Variants in RIN2 observed in about 807,000 individuals in gnomAD.
The protein encoded by RIN2 is Ras and Rab interactor 2.
Under a neutral mutation model 78.0 loss-of-function variants are expected in RIN2, and 36 were observed. The ratio of observed to expected loss-of-function variants is 0.46; its 90% CI spans 0.35 to 0.61. RIN2 has a LOEUF of 0.61. Among genes scored for constraint, RIN2 ranks in the 20% least tolerant of loss-of-function variants. The pLI is 0.00. For synonymous variants in RIN2, 466 were observed against 466.8 expected (o/e 1.00, Z 0.02); for missense variants, 1,087 against 1,159.7 (o/e 0.94, Z 0.91).
intron 2 of RIN2, among the ~76,000 whole-genome samples, chr20:19,827,227 C>T (rs1015406146): frequency 1.3e-5 from 2 of 152,126 alleles, no homozygotes; most frequent in Non-Finnish European, 2.9e-5. Context: ...CTGCCTGCCT[C>T]GGCCTCCCAA....
At position 19,851,034 on chromosome 20, in the gene RIN2, GAAGGAAGGAAGGAAGGAGAA is replaced by G. The variant is rs1174523284; in HGVS notation, c.-36-38530_-36-38511del. Among the ~76,000 whole-genome samples the G allele has an allele frequency of 9.2e-4, 93 of 100,542 alleles. 2 individuals are homozygous for G. The highest frequency in any genetic ancestry group is 5.2e-3 in the East Asian group (18 of 3,466). The allele number at this position is 100,542 out of a possible 152,430, so 66.0% of individuals were successfully genotyped here. On this transcript the variant is annotated intron_variant, in intron 2 of 12. Transcript: ENST00000255006. ...GGAAGGAAGGAAGGAAGGAAGGAAG[GAAGGAAGGAAGGAAGGAGAA>G]AGAAAGGAAGGAAGGAAGGAAGGAA...
chr20:19,782,231 A>C (rs1286184965), intron 1 of RIN2, among the ~76,000 whole-genome samples: 2 of 152,210 alleles, frequency 1.3e-5, no homozygotes, highest in Non-Finnish European at 2.9e-5. Flanking sequence ...TCCTTGCCAT[A>C]TGCGTAGCAC....
chr20:19,826,108 C>T (rs2036081721), intron 2 of RIN2, among the ~76,000 whole-genome samples: 1 of 117,536 alleles, frequency 8.5e-6, no homozygotes, highest in Non-Finnish European at 1.8e-5. Context: ...ATATTTTTAA[C>T]AATAACTTGC....
At chr20:19,990,518 A>G (rs1316573034) in intron 10 of RIN2, among the ~76,000 whole-genome samples, 3 of 152,174 alleles carry the variant, frequency 2.0e-5, no homozygotes, top group Non-Finnish European at 4.4e-5. Context: ...TGAGGGCAAC[A>G]AGATTTTTGT....
At chr20:19,833,282 G>GTT (rs2036303862) in intron 2 of RIN2, among the ~76,000 whole-genome samples, 1 of 146,960 alleles carries the variant, frequency 6.8e-6, no homozygotes, top group African/African-American at 2.6e-5. Context: ...ATAGATATAG[G>GTT]TTATATATAT....
chr20:19,788,930 G>A (rs1029741632), intron 1 of RIN2, among the ~76,000 whole-genome samples: 2 of 152,150 alleles, frequency 1.3e-5, no homozygotes, highest in African/African-American at 4.8e-5. Context: ...AACTGTAGGT[G>A]AAACTGAAAA....
chr20:19,859,993 G>A (rs1253651546), intron 2 of RIN2, among the ~76,000 whole-genome samples: 1 of 152,198 alleles, frequency 6.6e-6, no homozygotes. Flanking sequence ...GTGGACAACT[G>A]GAACTGAATC....
rs539788064 is a variant in RIN2, at chr20:19,918,465, G to T, written c.58-16634G>T. 9.6e-4 allele frequency among the ~76,000 whole-genome samples: 146 copies of T among 151,672 alleles called. 2 individuals are homozygous for T. In the South Asian group the frequency reaches 0.028, roughly 29 times the overall value. ...CTGGCTCCAAATGGGGCAAAGATTG[G>T]GAAAGACTCAGTGGGCAAAAGAATA... is the stretch of plus-strand genomic sequence containing the variant. On this transcript the variant is annotated intron_variant, in intron 3 of 12. Transcript: ENST00000255006.
At chr20:19,856,151 A>G (rs1437785651) in intron 2 of RIN2, among the ~76,000 whole-genome samples, 1 of 152,190 alleles carries the variant, frequency 6.6e-6, no homozygotes. Context: ...CCTGTATATG[A>G]AAGAACTTTA....
At chr20:19,860,538 G>A (rs1161810591) in intron 2 of RIN2, among the ~76,000 whole-genome samples, 3 of 151,948 alleles carry the variant, frequency 2.0e-5, no homozygotes, top group Non-Finnish European at 2.9e-5. Context: ...GGCCATACTC[G>A]TCTCGAACTC....
intron 2 of RIN2, among the ~76,000 whole-genome samples, chr20:19,845,836 T>TA (rs2036764284): frequency 1.3e-5 from 2 of 152,344 alleles, no homozygotes; most frequent in African/African-American, 4.8e-5. Context: ...GCCTAGGTTT[T>TA]ATTCTAATGT....
intron 1 of RIN2, among the ~76,000 whole-genome samples, chr20:19,760,517 G>A (rs1324813478): frequency 6.6e-6 from 1 of 152,136 alleles, no homozygotes; most frequent in African/African-American, 2.4e-5. Context: ...AAGGTGTCCT[G>A]CCATACACCT....
chr20:19,980,619 T>G (rs2042418337), intron 9 of RIN2, among the ~76,000 whole-genome samples: 1 of 152,196 alleles, frequency 6.6e-6, no homozygotes, highest in South Asian at 2.1e-4. Context: ...GAGGAATTCA[T>G]GTAGGAATTG....
chr20:19,836,766 T>C (rs2036430706), intron 2 of RIN2, among the ~76,000 whole-genome samples: 1 of 152,220 alleles, frequency 6.6e-6, no homozygotes, highest in Admixed American at 6.5e-5. Context: ...ATTACTAACA[T>C]TAAATAATGC....
chr20:19,984,094 G>A (rs1316190873), intron 9 of RIN2, among the ~76,000 whole-genome samples: 2 of 147,220 alleles, frequency 1.4e-5, no homozygotes, highest in Admixed American at 7.0e-5. Flanking sequence ...ACTATCGCAA[G>A]GACCAGAAAA....
At chr20:19,925,959 A>T (rs1208733420) in intron 3 of RIN2, among the ~76,000 whole-genome samples, 1 of 152,242 alleles carries the variant, frequency 6.6e-6, no homozygotes, top group African/African-American at 2.4e-5. Flanking sequence ...AGCCTCTATC[A>T]AAATAGAATG....
chr20:19,870,520 G>A (rs1179750562), intron 2 of RIN2, among the ~76,000 whole-genome samples: 3 of 152,102 alleles, frequency 2.0e-5, no homozygotes, highest in East Asian at 1.9e-4. Flanking sequence ...GATGGTGCAC[G>A]TCTGTAATCC....
chr20:19,992,072 G>T, intron 10 of RIN2, 96 bp from the exon 11 acceptor site: 1 of 1,424,058 alleles, frequency 7.0e-7, no homozygotes, highest in Non-Finnish European at 9.6e-7. Context: ...GTTCCCCCCA[G>T]AGTGACTCCT....
chr20:19,784,055 C>T (rs1745347669), intron 1 of RIN2, among the ~76,000 whole-genome samples: 1 of 152,224 alleles, frequency 6.6e-6, no homozygotes, highest in African/African-American at 2.4e-5. Context: ...TGTGTCAGAG[C>T]AGGGCTGGCA....
Sources: allele counts gnomAD v4.1 joint callset (sites outside exome capture counted in the v4.1 genomes callset), GRCh38; gene constraint gnomAD v4.1.1; transcripts MANE v1.5; gene names NCBI Gene and HGNC (gene_info 2026-07-23, HGNC 2026-07-21).